Variants in PTK2B observed in about 807,000 individuals in gnomAD.
PTK2B encodes the protein protein-tyrosine kinase 2-beta.
In PTK2B, 71 loss-of-function variants were observed where a neutral mutation model predicts 142.9. The observed-to-expected ratio is 0.50, with a 90% CI of 0.41 to 0.61. PTK2B has a LOEUF of 0.61. Among genes scored for constraint, PTK2B ranks in the 20% least tolerant of loss-of-function variants. The pLI is 0.00. For synonymous variants in PTK2B, 519 were observed against 503.4 expected (o/e 1.03, Z -0.42); for missense variants, 1,105 against 1,320.4 (o/e 0.84, Z 2.53).
chr8:27,341,509 T>G (rs1211548712), intron 1 of PTK2B, among the ~76,000 whole-genome samples: 1 of 152,052 alleles, frequency 6.6e-6, no homozygotes, highest in Non-Finnish European at 1.5e-5. Context: ...AAGAGCTGAG[T>G]GAGTGGAGGA....
At chr8:27,312,265 C>T (rs1407932399) in intron 1 of PTK2B, 1 of 152,206 alleles carries the variant, frequency 6.6e-6, no homozygotes, top group African/African-American at 2.4e-5. Context: ...CTTGAGAGAG[C>T]AGAGGCACTG....
intron 2 of PTK2B, among the ~76,000 whole-genome samples, chr8:27,312,762 CTTAAAATA>C (rs940549693): frequency 3.9e-5 from 6 of 152,160 alleles, no homozygotes; most frequent in African/African-American, 1.4e-4. Flanking sequence ...GTCTTGAAAC[CTTAAAATA>C]TTACTCTTTC....
At chr8:27,385,115 C>T (rs1227528415) in intron 1 of PTK2B, among the ~76,000 whole-genome samples, 7 of 152,138 alleles carry the variant, frequency 4.6e-5, no homozygotes, top group Admixed American at 3.3e-4. Context: ...TCCTCGGAGA[C>T]CTCATCCATG....
upstream of PTK2B, chr8:27,323,447 C>G (rs755493737): frequency 2.6e-5 from 4 of 152,426 alleles, no homozygotes; most frequent in African/African-American, 9.7e-5. Context: ...CCCCAACACC[C>G]CCACAATTAG....
intron 1 of PTK2B, among the ~76,000 whole-genome samples, chr8:27,342,778 C>T (rs934451309): frequency 5.9e-5 from 9 of 152,182 alleles, no homozygotes; most frequent in Non-Finnish European, 8.8e-5. Context: ...GTGCCTTCCC[C>T]ACTTACACTA....
In PTK2B at chr8:27,397,735, A is replaced by G; in HGVS notation, c.151A>G (p.Asn51Asp). Residue 51 changes from asparagine (N) to aspartate (D), a missense_variant, in exon 2 of 31, where the codon AAT (asparagine) becomes GAT (aspartate). Physicochemically the swap from Asn to Asp is conservative, Grantham distance 23 (BLOSUM62 1). Coordinates refer to ENST00000346049, the MANE Select transcript of PTK2B (RefSeq NM_173176.3). ...GGTCTGCTTCTATAGCAACAGCTTCAATCCTGGGAAAAACTTCAAACTGGT... is the reference window on the plus strand; with the variant it reads ...GGTCTGCTTCTATAGCAACAGCTTCGATCCTGGGAAAAACTTCAAACTGGT... ...LKVCFYSNSF[N>D]PGKNFKLVKC... The G allele has an allele frequency of 6.2e-7, 1 of 1,614,258 alleles. No homozygotes were observed. Among genetic ancestry groups the G allele is most frequent in the Non-Finnish European group, 8.5e-7 (1 of 1,180,044 alleles).
intron 1 of PTK2B, among the ~76,000 whole-genome samples, chr8:27,378,521 G>A (rs575179918): frequency 6.6e-6 from 1 of 152,094 alleles, no homozygotes; most frequent in Non-Finnish European, 1.5e-5. Flanking sequence ...GATAGATAAG[G>A]TGATGTCTCC....
Position 27,434,075 on chromosome 8 carries a change from T to G in PTK2B, c.1106-18T>G. The G allele has an allele frequency of 6.2e-7, 1 of 1,613,828 alleles. No homozygotes were observed. The highest frequency in any genetic ancestry group is 1.3e-5 in the African/African-American group (1 of 75,010). On this transcript the variant is annotated intron_variant, in intron 11 of 30. Transcript: ENST00000346049. ...TGTGTCCCCAGCTCCAACCTCCTCC[T>G]TCCTCCTCTCTTCCTAGATGGTGAG...
chr8:27,336,275 C>A (rs1804058072), intron 1 of PTK2B, among the ~76,000 whole-genome samples: 1 of 152,168 alleles, frequency 6.6e-6, no homozygotes, highest in South Asian at 2.1e-4. Context: ...ACCTGTGACC[C>A]CAAAAGATTA....
intron 1 of PTK2B, among the ~76,000 whole-genome samples, chr8:27,377,394 A>G (rs1806737698): frequency 6.6e-6 from 1 of 152,216 alleles, no homozygotes; most frequent in African/African-American, 2.4e-5. Flanking sequence ...TTTTATGGGC[A>G]CGTACACTGA....
intron 18 of PTK2B, among the ~76,000 whole-genome samples, chr8:27,438,744 A>G (rs1810961275): frequency 6.6e-6 from 1 of 152,126 alleles, no homozygotes; most frequent in Admixed American, 6.5e-5. Context: ...CTGGAGATGG[A>G]TGAAGGGGTG....
chr8:27,401,676 TTCCATC>T (rs1808394725), intron 2 of PTK2B, among the ~76,000 whole-genome samples: 1 of 152,234 alleles, frequency 6.6e-6, no homozygotes, highest in Non-Finnish European at 1.5e-5. Flanking sequence ...TTGGTTTTCA[TTCCATC>T]TCTTATGGGA....
intron 2 of PTK2B, among the ~76,000 whole-genome samples, chr8:27,419,619 A>G (rs1809619197): frequency 6.6e-6 from 1 of 152,246 alleles, no homozygotes; most frequent in Non-Finnish European, 1.5e-5. Flanking sequence ...AATGAGGTGC[A>G]GAAGCAAATT....
chr8:27,422,491 A>G, intron 5 of PTK2B, 108 bp downstream of exon 5: 1 of 1,055,504 alleles, frequency 9.5e-7, no homozygotes, highest in Non-Finnish European at 1.3e-6. Context: ...TGTGGGAGCC[A>G]GGAAGGGGAG....
chr8:27,395,143 TC>T (rs1379014798), intron 1 of PTK2B, among the ~76,000 whole-genome samples: 1 of 152,172 alleles, frequency 6.6e-6, no homozygotes, highest in Non-Finnish European at 1.5e-5. Context: ...CATAAACCAG[TC>T]ACATAATCTT....
At chr8:27,392,556 G>A (rs1216987815) in intron 1 of PTK2B, among the ~76,000 whole-genome samples, 1 of 152,130 alleles carries the variant, frequency 6.6e-6, no homozygotes, top group South Asian at 2.1e-4. Flanking sequence ...AGGAAAATGA[G>A]GCTGGGATAG....
chr8:27,420,789 T>C, intron 4 of PTK2B, 45 bp downstream of exon 4: 1 of 1,512,198 alleles, frequency 6.6e-7, no homozygotes, highest in Non-Finnish European at 9.2e-7. Context: ...CCATTACACC[T>C]CAAATGCCAA....
rs1258438310 is a variant in PTK2B, at chr8:27,433,363, CTT to C, written c.988-71_988-70del. The C allele has an allele frequency of 3.7e-6, 5 of 1,350,074 alleles. No homozygotes were observed. In the Admixed American group the frequency reaches 9.2e-5, roughly 25 times the overall value. 83.6% of individuals were successfully genotyped at this position (1,350,074 alleles called of 1,614,324 possible). A position where few individuals can be genotyped will look rare whatever the true frequency, so the allele number is the denominator to read the frequency against. On this transcript the variant is annotated intron_variant, in intron 10 of 30. Coordinates refer to ENST00000346049, the MANE Select transcript of PTK2B (RefSeq NM_173176.3). ...GGTTGTGGCAGGGGTCCTGCCATCT[CTT>C]CTCCAGCCCTGGGGGTGGTCTCTAG... is the stretch of plus-strand genomic sequence containing the variant.
At chr8:27,447,646 G>A (rs899267032) in intron 24 of PTK2B, among the ~76,000 whole-genome samples, 2 of 152,184 alleles carry the variant, frequency 1.3e-5, no homozygotes, top group African/African-American at 2.4e-5. Context: ...ATCACTTGAT[G>A]TCAGGAGTCT....
Sources: allele counts gnomAD v4.1 joint callset (sites outside exome capture counted in the v4.1 genomes callset), GRCh38; gene constraint gnomAD v4.1.1; transcripts MANE v1.5; gene names NCBI Gene and HGNC (gene_info 2026-07-23, HGNC 2026-07-21).